The following ITGA2 variants were observed in gnomAD, a reference collection of about 807,000 sequenced individuals.
ITGA2 encodes integrin subunit alpha 2, also known as integrin alpha-2.
In ITGA2, 101 loss-of-function variants were observed where a neutral mutation model predicts 146.3. The ratio of observed to expected loss-of-function variants is 0.69; its 90% CI spans 0.59 to 0.81. ITGA2 has a LOEUF of 0.81. Among genes scored for constraint, ITGA2 ranks in the 40% least tolerant of loss-of-function variants. The pLI is 0.00. For synonymous variants in ITGA2, 477 were observed against 487.1 expected, an observed-to-expected ratio of 0.98 and a Z score of 0.27; for missense variants, 1,281 against 1,402.7, an observed-to-expected ratio of 0.91 and a Z score of 1.39.
At position 53,080,599 on chromosome 5, in the gene ITGA2, T is replaced by C; in HGVS notation, c.3017T>C (p.Leu1006Pro). Residue 1006 changes from leucine (L) to proline (P), a missense_variant, in exon 25 of 30, where the codon CTA (leucine) becomes CCA (proline). Leu to Pro is a moderately conservative substitution (Grantham distance 98, BLOSUM62 -3). Transcript: ENST00000296585. ...YTKEKNPLMY[L>P]TGVQTDKAGD... Reference sequence around the variant, plus strand: ...AAAGAAAAGAACCCACTGATGTACCTAACTGGGGTGCAAACAGACAAGGTA... The same window carrying C: ...AAAGAAAAGAACCCACTGATGTACCCAACTGGGGTGCAAACAGACAAGGTA... 1 of 1,613,198 alleles carries C rather than the reference T, an allele frequency of 6.2e-7. No homozygotes were observed.
At chr5:52,995,317 A>G (rs1399821402) in intron 1 of ITGA2, among the ~76,000 whole-genome samples, 1 of 152,192 alleles carries the variant, frequency 6.6e-6, no homozygotes, top group Non-Finnish European at 1.5e-5. Flanking sequence ...GGCCAGGTGG[A>G]AAGCACCAAG....
Position 53,083,376 on chromosome 5 carries a change from T to C in ITGA2, c.3181T>C (p.Trp1061Arg). ...RTASCSNVTC[W>R]LKDVHMKGEY... ...TGCTTCCTGTAGTAATGTTACCTGC[T>C]GGTTGAAAGACGTTCACATGAAAGG... The change falls in exon 27 of 30, where the codon TGG becomes CGG. Residue 1061 changes from tryptophan (W) to arginine (R), a missense_variant. This residue lies in a region of ITGA2 where 475 missense variants were observed against 530.5 expected (regional missense o/e 0.90). Coordinates refer to ENST00000296585, the MANE Select transcript of ITGA2 (RefSeq NM_002203.4). 1 of 1,613,668 alleles carries C rather than the reference T, an allele frequency of 6.2e-7. No homozygotes were observed. The highest frequency in any genetic ancestry group is 8.5e-7 in the Non-Finnish European group (1 of 1,179,594).
chr5:53,044,535 C>T (rs1743975441), intron 3 of ITGA2, among the ~76,000 whole-genome samples: 1 of 151,648 alleles, frequency 6.6e-6, no homozygotes, highest in African/African-American at 2.4e-5. Flanking sequence ...TTATATGACT[C>T]GTCTAATTTC....
chr5:53,058,022 C>A lies in ITGA2; in HGVS notation c.1097-3C>A. 1 of 1,606,822 alleles carries A rather than the reference C, an allele frequency of 6.2e-7. No homozygotes were observed. The highest frequency in any genetic ancestry group is 8.5e-7 in the Non-Finnish European group (1 of 1,174,138). ...ATACAATTTTTAAAATTGAATGTTC[C>A]AGGTACTGTTCAAGGAGGAGACAAC... is the stretch of plus-strand genomic sequence containing the variant. On this transcript the variant is annotated splice_polypyrimidine_tract_variant and splice_region_variant and intron_variant, in intron 9 of 29. Transcript: ENST00000296585.
At chr5:53,086,791 C>T (rs1369326723) in intron 27 of ITGA2, among the ~76,000 whole-genome samples, 161 bp from the exon 28 acceptor site, 1 of 152,178 alleles carries the variant, frequency 6.6e-6, no homozygotes, top group Non-Finnish European at 1.5e-5. Flanking sequence ...AGTCCTGTTA[C>T]ACAGCACTGG....
intron 2 of ITGA2, among the ~76,000 whole-genome samples, chr5:53,038,057 G>A (rs970995334): frequency 2.6e-5 from 4 of 152,104 alleles, no homozygotes; most frequent in Non-Finnish European, 5.9e-5. Context: ...CTCCTGTGCT[G>A]CAAGGTTATC....
Position 53,048,813 on chromosome 5 carries a change from C to T in ITGA2, c.630+43C>T, listed in dbSNP as rs778047040. 11 of 1,603,524 alleles carry T rather than the reference C, an allele frequency of 6.9e-6. No individual in the cohort carries two copies. In the Admixed American group the frequency reaches 1.8e-4, roughly 27 times the overall value. The stretch of plus-strand genomic sequence containing the variant: ...GCATAACTAACTTATGGCTTTCTTT[C>T]TGAAAAAAATATTGTTAGCTATGAA... On this transcript the variant is annotated intron_variant, in intron 6 of 29. Transcript: ENST00000296585.
chr5:52,993,548 G>A (rs996470980), intron 1 of ITGA2, among the ~76,000 whole-genome samples: 3 of 152,070 alleles, frequency 2.0e-5, no homozygotes, highest in African/African-American at 4.8e-5. Context: ...AAGAGTTAGT[G>A]GCTGTGAGCG....
rs886060683 is a variant in ITGA2, at chr5:53,093,273, G to C, written c.*2674G>C. ...TACATATACGGAACTTGAAAGCTTT[G>C]GTTAGCCTTGCCTTAGGTAATCAGC... is the stretch of plus-strand genomic sequence containing the variant. On this transcript the variant is annotated 3_prime_UTR_variant, in exon 30 of 30. Coordinates refer to ENST00000296585, the MANE Select transcript of ITGA2 (RefSeq NM_002203.4). The C allele has an allele frequency of 5.3e-5, 8 of 152,140 alleles. No homozygotes were observed. 9.4% of individuals were successfully genotyped at this position (152,140 alleles called of 1,614,324 possible).
At chr5:53,073,530 G>T (rs1745502044) in intron 20 of ITGA2, among the ~76,000 whole-genome samples, 1 of 151,890 alleles carries the variant, frequency 6.6e-6, no homozygotes, top group South Asian at 2.1e-4. Flanking sequence ...CTATCAGTGT[G>T]ATGAGGCTGC....
chr5:53,026,664 T>C (rs1351673697), intron 1 of ITGA2, 84 bp from the exon 2 acceptor site: 1 of 1,261,028 alleles, frequency 7.9e-7, no homozygotes, highest in Non-Finnish European at 1.2e-6. Context: ...AAGCAAGTTT[T>C]CTTAAAAATG....
chr5:53,072,636 T>G lies in ITGA2; in HGVS notation c.2370T>G (p.Gly790=), dbSNP rs749060026. The change falls in exon 19 of 30, where the codon GGT becomes GGG. Residue 790 remains glycine (G), a synonymous_variant. Coordinates refer to ENST00000296585, the MANE Select transcript of ITGA2 (RefSeq NM_002203.4). ...AGATTCCTTTCCACAAAGACTGTGGTGAGGACGGACTTTGCATTTCTGATC... is the reference window on the plus strand; with the variant it reads ...AGATTCCTTTCCACAAAGACTGTGGGGAGGACGGACTTTGCATTTCTGATC... ...VFSIPFHKDC[G]EDGLCISDLV... 6.2e-7 allele frequency: 1 copy of G among 1,610,858 alleles called. No individual in the cohort carries two copies. Among genetic ancestry groups the G allele is most frequent in the Non-Finnish European group, 8.5e-7 (1 of 1,178,456 alleles).
intron 1 of ITGA2, among the ~76,000 whole-genome samples, chr5:53,020,568 A>G (rs1742626405): frequency 6.6e-6 from 1 of 152,138 alleles, no homozygotes; most frequent in African/African-American, 2.4e-5. Context: ...ACTGCAAATG[A>G]TGTTGAAATA....
At chr5:53,086,035 G>T (rs959087035) in intron 27 of ITGA2, among the ~76,000 whole-genome samples, 1 of 151,930 alleles carries the variant, frequency 6.6e-6, no homozygotes, top group African/African-American at 2.4e-5. Context: ...CAGCCGAGTC[G>T]CTGGGATTAC....
chr5:53,048,620 T>C (rs1345362949), intron 5 of ITGA2, 23 bp from the exon 6 acceptor site: 2 of 1,614,118 alleles, frequency 1.2e-6, no homozygotes, highest in South Asian at 2.2e-5. Context: ...GGAAATCTGC[T>C]TCTTTCCTCT....
chr5:53,028,827 G>T (rs1743079626), intron 2 of ITGA2, among the ~76,000 whole-genome samples: 1 of 152,100 alleles, frequency 6.6e-6, no homozygotes, highest in African/African-American at 2.4e-5. Flanking sequence ...ATTATACCTG[G>T]CCGTTCCTCA....
chr5:53,088,432 T>A (rs1223428966), intron 28 of ITGA2, among the ~76,000 whole-genome samples: 2 of 152,092 alleles, frequency 1.3e-5, no homozygotes, highest in Non-Finnish European at 2.9e-5. Flanking sequence ...AAACCTATAA[T>A]CCCAGCACTT....
At chr5:53,042,841 C>T (rs1232785913) in intron 3 of ITGA2, among the ~76,000 whole-genome samples, 1 of 140,460 alleles carries the variant, frequency 7.1e-6, no homozygotes, top group African/African-American at 2.6e-5. Flanking sequence ...TCATCAGCAG[C>T]AGCAGCCTAA....
rs181169094 is a variant in ITGA2 at position 53,054,985 on chromosome 5, G to A, written c.780-553G>A. Among the ~76,000 whole-genome samples, 390 of 152,112 alleles carry A rather than the reference G, an allele frequency of 2.6e-3. 3 individuals carry two copies. The highest frequency in any genetic ancestry group is 8.3e-3 in the South Asian group (40 of 4,820). On this transcript the variant is annotated intron_variant, in intron 7 of 29. Coordinates refer to ENST00000296585, the MANE Select transcript of ITGA2 (RefSeq NM_002203.4). ...CCTCATTTGAGTAAAAGTTTAAGGG[G>A]TAGACTATGCCTGTACCTATATTAC...
Sources: gnomAD v4.1 joint callset for allele counts (sites outside exome capture counted in the v4.1 genomes callset) on GRCh38, gnomAD v4.1.1 for gene constraint, gnomAD v4.1.1 regional missense constraint, MANE v1.5 for transcripts, NCBI Gene and HGNC (gene_info 2026-07-23, HGNC 2026-07-21) for gene names.